PRKCE: variants seen among roughly 807,000 people sequenced by gnomAD.
PRKCE encodes the protein protein kinase C epsilon.
A neutral mutation model predicts 85.4 loss-of-function variants in PRKCE; 16 were observed. The observed-to-expected ratio is 0.19, with a 90% CI of 0.13 to 0.28. The LOEUF (loss-of-function observed/expected upper bound fraction) is 0.28, where lower values mean the gene tolerates loss of function less well. Ranked by LOEUF, PRKCE falls within the 10% of genes least tolerant of loss-of-function variation. PRKCE has a pLI of 1.00. For missense variants in PRKCE, 573 were observed against 975.2 expected, an observed-to-expected ratio of 0.59 and a Z score of 5.49; for synonymous variants, 388 against 371.5, an observed-to-expected ratio of 1.04 and a Z score of -0.51.
At chr2:45,725,603 C>T (rs546657410) in intron 1 of PRKCE, among the ~76,000 whole-genome samples, 183 of 152,124 alleles carry the variant, frequency 1.2e-3, no homozygotes, top group South Asian at 0.012. Flanking sequence ...GAGACCGAGG[C>T]GGGCAGATCA....
At chr2:46,092,775 T>A (rs1475973817) in intron 11 of PRKCE, among the ~76,000 whole-genome samples, 1 of 152,178 alleles carries the variant, frequency 6.6e-6, no homozygotes, top group African/African-American at 2.4e-5. Context: ...ATGTAAATTT[T>A]AGTCCTGCCA....
intron 10 of PRKCE, among the ~76,000 whole-genome samples, chr2:46,029,698 T>G (rs1411360806): frequency 2.0e-5 from 3 of 151,430 alleles, no homozygotes; most frequent in Admixed American, 2.0e-4. Context: ...TTTTTTTTTT[T>G]GTGGGAAAGC....
At chr2:45,998,163 G>T (rs1286302793) in intron 6 of PRKCE, among the ~76,000 whole-genome samples, 1 of 151,678 alleles carries the variant, frequency 6.6e-6, no homozygotes, top group African/African-American at 2.4e-5. Flanking sequence ...GTTATATTCA[G>T]TTGATTAATG....
intron 2 of PRKCE, among the ~76,000 whole-genome samples, chr2:45,964,554 C>A (rs914486466): frequency 2.6e-5 from 4 of 152,176 alleles, no homozygotes; most frequent in African/African-American, 9.7e-5. Context: ...TACTGGGTAC[C>A]AGAAGCATGC....
At chr2:45,968,614 G>A (rs888771786) in intron 2 of PRKCE, among the ~76,000 whole-genome samples, 3 of 152,104 alleles carry the variant, frequency 2.0e-5, no homozygotes, top group Non-Finnish European at 4.4e-5. Flanking sequence ...CATTTGTATC[G>A]CAAAGCTATT....
At chr2:45,696,276 TA>T (rs1362961603) in intron 1 of PRKCE, among the ~76,000 whole-genome samples, 1 of 151,986 alleles carries the variant, frequency 6.6e-6, no homozygotes. Context: ...TTTTAAATTA[TA>T]AAAAAAGGCT....
chr2:46,130,659 C>T (rs1037912908), intron 11 of PRKCE, among the ~76,000 whole-genome samples: 1 of 152,226 alleles, frequency 6.6e-6, no homozygotes, highest in Non-Finnish European at 1.5e-5. Context: ...AAAGCACTTG[C>T]TTTCTGGCTG....
intron 1 of PRKCE, among the ~76,000 whole-genome samples, chr2:45,696,518 A>G (rs1461025495): frequency 6.6e-6 from 1 of 151,792 alleles, no homozygotes; most frequent in African/African-American, 2.4e-5. Context: ...TGATCTCTCC[A>G]TTTTACATTT....
intron 1 of PRKCE, among the ~76,000 whole-genome samples, chr2:45,718,851 T>C (rs566886628): frequency 2.6e-4 from 39 of 152,346 alleles, no homozygotes; most frequent in African/African-American, 9.4e-4. Flanking sequence ...ACACTAGTTT[T>C]GGAGTTATTA....
chr2:46,020,662 C>G (rs1706571974), intron 10 of PRKCE, among the ~76,000 whole-genome samples: 1 of 152,182 alleles, frequency 6.6e-6, no homozygotes, highest in Admixed American at 6.5e-5. Flanking sequence ...TCACTGCTGA[C>G]AGATGTAGAG....
At chr2:45,815,779 A>G (rs2105296898) in intron 1 of PRKCE, among the ~76,000 whole-genome samples, 1 of 152,310 alleles carries the variant, frequency 6.6e-6, no homozygotes, top group East Asian at 1.9e-4. Flanking sequence ...GAAAATCACT[A>G]CTTCTAGTAA....
chr2:46,185,657 G>A lies in PRKCE; in HGVS notation c.*776G>A, dbSNP rs1680397593. 6.6e-6 allele frequency: 1 copy of A among 152,512 alleles called. No homozygotes were observed. The allele number at this position is 152,512 out of a possible 1,614,324, so 9.4% of individuals were successfully genotyped here. The stretch of plus-strand genomic sequence containing the variant: ...GTCTGAATACAGGTAGATATTAAAG[G>A]GCTAATAAAAAATGAGAAACCGGTC... On this transcript the variant is annotated 3_prime_UTR_variant, in exon 15 of 15. Transcript: ENST00000306156. The surrounding 1 kb of genome is among the most constrained non-coding windows in gnomAD (Gnocchi z 4.7).
intron 10 of PRKCE, among the ~76,000 whole-genome samples, chr2:46,081,254 C>A (rs66716369): frequency 0.15 from 23,503 of 152,220 alleles, 2,655 homozygotes; most frequent in East Asian, 0.46. Flanking sequence ...GGATCACAGG[C>A]ATGAGCCACC....
intron 10 of PRKCE, among the ~76,000 whole-genome samples, chr2:46,028,429 T>G (rs1707285297): frequency 6.6e-6 from 1 of 152,228 alleles, no homozygotes; most frequent in Non-Finnish European, 1.5e-5. Context: ...AAACCATAGT[T>G]ATCTTTCCAT....
chr2:45,851,220 C>T (rs1308423076), intron 2 of PRKCE, among the ~76,000 whole-genome samples: 1 of 152,222 alleles, frequency 6.6e-6, no homozygotes, highest in Non-Finnish European at 1.5e-5. Flanking sequence ...ACTGAAGATT[C>T]ATTTGAACAG....
intron 1 of PRKCE, among the ~76,000 whole-genome samples, chr2:45,776,512 C>T (rs1350979925): frequency 6.6e-6 from 1 of 152,194 alleles, no homozygotes; most frequent in Non-Finnish European, 1.5e-5. Flanking sequence ...CAGAATCTCA[C>T]CCACATGATC....
chr2:45,945,613 A>G (rs923145666), intron 2 of PRKCE, among the ~76,000 whole-genome samples: 1 of 152,202 alleles, frequency 6.6e-6, no homozygotes, highest in Non-Finnish European at 1.5e-5. Flanking sequence ...AGCACATGCT[A>G]TGTACCAGGC....
intron 6 of PRKCE, among the ~76,000 whole-genome samples, chr2:45,985,615 A>G (rs1055381728): frequency 3.3e-4 from 50 of 152,214 alleles, no homozygotes; most frequent in African/African-American, 1.2e-3. Context: ...AAGGGATCCC[A>G]ATGAGAAACT....
At chr2:46,168,842 C>G (rs1678602622) in intron 14 of PRKCE, among the ~76,000 whole-genome samples, 1 of 152,160 alleles carries the variant, frequency 6.6e-6, no homozygotes, top group South Asian at 2.1e-4. Context: ...TGTCAGCCCC[C>G]TTCTCATCTT....
Sources: gnomAD v4.1 joint callset for allele counts (sites outside exome capture counted in the v4.1 genomes callset) on GRCh38, gnomAD v4.1.1 for gene constraint, Gnocchi (gnomAD v3.1) non-coding constraint, MANE v1.5 for transcripts, NCBI Gene and HGNC (gene_info 2026-07-23, HGNC 2026-07-21) for gene names.